The following LYPD6 variants were observed in gnomAD, a reference collection of about 807,000 sequenced individuals.
The protein encoded by LYPD6 is ly6/PLAUR domain-containing protein 6.
Under a neutral mutation model 22.7 loss-of-function variants are expected in LYPD6, and 15 were observed. The ratio of observed to expected loss-of-function variants is 0.66; its 90% CI spans 0.44 to 1.02. The LOEUF is 1.02. LYPD6 is among the 50% of genes least tolerant of loss of function. The pLI, the probability that LYPD6 is intolerant of heterozygous loss-of-function variation, is 0.00. For synonymous variants in LYPD6, 72 were observed against 77.5 expected (o/e 0.93, Z 0.37); for missense variants, 189 against 208.4 (o/e 0.91, Z 0.57).
At chr2:149,394,435 T>C (rs1201076009) in intron 1 of LYPD6, among the ~76,000 whole-genome samples, 3 of 152,174 alleles carry the variant, frequency 2.0e-5, no homozygotes, top group Non-Finnish European at 4.4e-5. Flanking sequence ...CAAAATATAA[T>C]AGGAAAGCCC....
chr2:149,459,160 G>A (rs551724351), intron 3 of LYPD6, among the ~76,000 whole-genome samples: 1 of 152,206 alleles, frequency 6.6e-6, no homozygotes, highest in Admixed American at 6.5e-5. Context: ...AATAGCAAGA[G>A]AAAAAGAACA....
At chr2:149,384,346 T>C (rs1235518653) in intron 1 of LYPD6, among the ~76,000 whole-genome samples, 1 of 152,236 alleles carries the variant, frequency 6.6e-6, no homozygotes, top group Non-Finnish European at 1.5e-5. Context: ...TCAGTGCCTG[T>C]AGAAAACTCA....
chr2:149,470,531 C>A, intron 4 of LYPD6, 152 bp from the exon 5 acceptor site: 1 of 630,164 alleles, frequency 1.6e-6, no homozygotes, highest in Non-Finnish European at 2.7e-6. Context: ...AATATTATCC[C>A]CAGCCTTCCT....
chr2:149,476,326 G>T (rs976814175), downstream of LYPD6, among the ~76,000 whole-genome samples: 1 of 152,118 alleles, frequency 6.6e-6, no homozygotes, highest in Non-Finnish European at 1.5e-5. Flanking sequence ...ATTCTAATAT[G>T]AGAAGAAAAA....
intron 1 of LYPD6, among the ~76,000 whole-genome samples, chr2:149,436,220 A>G (rs1417219378): frequency 6.6e-6 from 1 of 152,216 alleles, no homozygotes; most frequent in African/African-American, 2.4e-5. Flanking sequence ...TTTACAAAGT[A>G]ATTATGCTAT....
chr2:149,389,305 G>A (rs960090677), intron 1 of LYPD6, among the ~76,000 whole-genome samples: 5 of 152,116 alleles, frequency 3.3e-5, no homozygotes, highest in African/African-American at 9.7e-5. Flanking sequence ...GAGAGTTGGG[G>A]TAGCTACTCC....
intron 1 of LYPD6, among the ~76,000 whole-genome samples, chr2:149,401,942 A>G (rs1239192182): frequency 6.6e-6 from 1 of 151,862 alleles, no homozygotes; most frequent in Non-Finnish European, 1.5e-5. Context: ...GCTCCAACAT[A>G]TGAGTGAGAA....
chr2:149,366,429 A>T (rs1472563664), intron 1 of LYPD6, among the ~76,000 whole-genome samples: 2 of 152,212 alleles, frequency 1.3e-5, no homozygotes, highest in Non-Finnish European at 2.9e-5. Context: ...TTGGCAGAGA[A>T]AGAATGTAAA....
At chr2:149,455,421 A>C (rs1368416618) in intron 3 of LYPD6, among the ~76,000 whole-genome samples, 1 of 151,298 alleles carries the variant, frequency 6.6e-6, no homozygotes, top group African/African-American at 2.4e-5. Flanking sequence ...ACCACACCCA[A>C]CTAATTTTGT....
intron 1 of LYPD6, among the ~76,000 whole-genome samples, chr2:149,349,315 C>A (rs1165381684): frequency 6.6e-6 from 1 of 152,010 alleles, no homozygotes; most frequent in Non-Finnish European, 1.5e-5. Context: ...GTTGTGTGCT[C>A]CATTATTATT....
intron 1 of LYPD6, among the ~76,000 whole-genome samples, chr2:149,407,427 C>T (rs949338469): frequency 2.0e-5 from 3 of 152,050 alleles, no homozygotes; most frequent in African/African-American, 7.2e-5. Context: ...AGGCTTTGTT[C>T]GTTTCTTTTT....
At chr2:149,375,396 A>AATG (rs933078034) in intron 1 of LYPD6, among the ~76,000 whole-genome samples, 18 of 152,044 alleles carry the variant, frequency 1.2e-4, no homozygotes, top group Non-Finnish European at 2.4e-4. Flanking sequence ...CCTCTGAAGG[A>AATG]ATGATGATGA....
intron 3 of LYPD6, among the ~76,000 whole-genome samples, chr2:149,458,639 GC>G (rs1393186769): frequency 3.3e-5 from 5 of 152,004 alleles, no homozygotes; most frequent in Non-Finnish European, 7.4e-5. Flanking sequence ...GAATTATCTG[GC>G]AGGGATTTTA....
At chr2:149,420,632 G>A (rs143590979) in intron 1 of LYPD6, among the ~76,000 whole-genome samples, 25 of 152,296 alleles carry the variant, frequency 1.6e-4, no homozygotes, top group Non-Finnish European at 3.2e-4. Context: ...AATCCCATCA[G>A]GTTTAGGGCT....
At chr2:149,479,877 C>T in the LYPD6 span, among the ~76,000 whole-genome samples, 29,151 of 152,062 alleles carry the variant, frequency 0.19, 4,459 homozygotes, top group African/African-American at 0.41. Context: ...TCACATTGTT[C>T]ATGGGGTGGA....
At chr2:149,363,417 A>G (rs982398817) in intron 1 of LYPD6, among the ~76,000 whole-genome samples, 1 of 152,178 alleles carries the variant, frequency 6.6e-6, no homozygotes, top group Non-Finnish European at 1.5e-5. Context: ...ACACTACCCA[A>G]TATGTGATGG....
intron 1 of LYPD6, among the ~76,000 whole-genome samples, chr2:149,423,663 A>G (rs547159884): frequency 1.3e-5 from 2 of 151,388 alleles, no homozygotes; most frequent in South Asian, 2.1e-4. Flanking sequence ...CAATTCCTTC[A>G]TGTATAAAAT....
chr2:149,468,551 T>G, intron 3 of LYPD6, 94 bp from the exon 4 acceptor site: 1 of 1,436,212 alleles, frequency 7.0e-7, no homozygotes, highest in Middle Eastern at 1.8e-4. Context: ...TATTAGCTCT[T>G]TTCTGGAATG....
intron 1 of LYPD6, among the ~76,000 whole-genome samples, chr2:149,409,546 C>G (rs909168746): frequency 1.3e-5 from 2 of 152,034 alleles, no homozygotes; most frequent in African/African-American, 4.8e-5. Flanking sequence ...GTTACCAGGG[C>G]AGGTAGGGAA....
Sources: gnomAD v4.1 joint callset for allele counts (sites outside exome capture counted in the v4.1 genomes callset) on GRCh38, gnomAD v4.1.1 for gene constraint, MANE v1.5 for transcripts, NCBI Gene and HGNC (gene_info 2026-07-23, HGNC 2026-07-21) for gene names.